Variants in WASHC4 observed in about 807,000 individuals in gnomAD.
The protein encoded by WASHC4 is WASH complex subunit 4.
A neutral mutation model predicts 166.6 loss-of-function variants in WASHC4; 86 were observed. The observed-to-expected ratio is 0.52, with a 90% CI of 0.43 to 0.62. The LOEUF (loss-of-function observed/expected upper bound fraction) is 0.62, where lower values mean the gene tolerates loss of function less well. Among genes scored for constraint, WASHC4 ranks in the 20% least tolerant of loss-of-function variants. The pLI is 0.00. For synonymous variants in WASHC4, 446 were observed against 451.6 expected, an observed-to-expected ratio of 0.99 and a Z score of 0.16; for missense variants, 1,262 against 1,382.4, an observed-to-expected ratio of 0.91 and a Z score of 1.38.
chr12:105,152,237 A>G (rs559909214), intron 25 of WASHC4, 106 bp from the exon 26 acceptor site: 89 of 681,664 alleles, frequency 1.3e-4, no homozygotes, highest in Non-Finnish European at 2.3e-4. Context: ...TTTAAGCACA[A>G]TGAAATACAA....
chr12:105,136,305 A>G (rs1218189690), intron 14 of WASHC4, among the ~76,000 whole-genome samples: 2 of 152,190 alleles, frequency 1.3e-5, no homozygotes, highest in East Asian at 1.9e-4. Context: ...AAGAGAAAGC[A>G]ACCCTGAATG....
chr12:105,162,624 A>T (rs919117735), intron 29 of WASHC4, 125 bp from the exon 30 acceptor site: 19 of 635,804 alleles, frequency 3.0e-5, no homozygotes, highest in Non-Finnish European at 5.1e-5. Context: ...AAAGGACAGG[A>T]ATCTAGATTC....
rs911097187 is a variant in WASHC4, at chr12:105,162,969, A to AT, written c.3157+131dup. 6 of 595,476 alleles carry AT rather than the reference A, an allele frequency of 1.0e-5. No homozygotes were observed. The Admixed American group carries it at 1.2e-4, about 12-fold the overall frequency. 36.9% of individuals were successfully genotyped at this position (595,476 alleles called of 1,614,324 possible). The stretch of plus-strand genomic sequence containing the variant: ...GATTTTTCTTTCTTTTTTCTTTTTT[A>AT]TTTTTTTGAGACAGAGTCTCGTCTC... On this transcript the variant is annotated intron_variant, in intron 30 of 32. Transcript: ENST00000332180.
intron 32 of WASHC4, among the ~76,000 whole-genome samples, chr12:105,166,501 C>T (rs1336836792): frequency 6.6e-6 from 1 of 152,074 alleles, no homozygotes; most frequent in African/African-American, 2.4e-5. Context: ...TGTAATGGTT[C>T]TTTCTTGGCC....
intron 14 of WASHC4, among the ~76,000 whole-genome samples, chr12:105,135,107 T>A (rs1484259456): frequency 6.6e-6 from 1 of 152,086 alleles, no homozygotes; most frequent in Non-Finnish European, 1.5e-5. Flanking sequence ...TATCTCCCTC[T>A]CATCTTCTGT....
intron 14 of WASHC4, among the ~76,000 whole-genome samples, chr12:105,136,363 T>C (rs1295290079): frequency 6.6e-6 from 1 of 152,152 alleles, no homozygotes; most frequent in African/African-American, 2.4e-5. Context: ...TGGCCTTATA[T>C]TTCCTTATTT....
intron 24 of WASHC4, chr12:105,149,169 A>G: frequency 1.0e-6 from 1 of 985,348 alleles, no homozygotes; most frequent in Non-Finnish European, 1.2e-6. Context: ...ATAATTGAAT[A>G]TGTGGTATCT....
chr12:105,141,533 A>ATCTT (rs1206905652), intron 18 of WASHC4, among the ~76,000 whole-genome samples: 2 of 152,236 alleles, frequency 1.3e-5, no homozygotes, highest in Admixed American at 6.5e-5. Flanking sequence ...TATGTTGGGT[A>ATCTT]TCTTTATTGG....
chr12:105,148,527 A>G (rs1883494068), intron 24 of WASHC4: 1 of 985,334 alleles, frequency 1.0e-6, no homozygotes, highest in East Asian at 1.1e-4. Context: ...GCATAGAAGG[A>G]TAGAAATCAG....
Position 105,144,834 on chromosome 12 carries a change from A to G in WASHC4, c.2296A>G (p.Met766Val). The G allele has an allele frequency of 6.2e-7, 1 of 1,613,314 alleles. No individual in the cohort carries two copies. Among genetic ancestry groups the G allele is most frequent in the Non-Finnish European group, 8.5e-7 (1 of 1,179,498 alleles). The stretch of plus-strand genomic sequence containing the variant: ...AGCTACTCAGCGTTATGGACTGGTT[A>G]TGACAGAGGCACATCTTCCCAGTCA... ...NLATQRYGLV[M>V]TEAHLPSQTL... Residue 766 changes from methionine to valine, a missense_variant, in exon 22 of 33, where the codon ATG becomes GTG. Physicochemically the swap from Met to Val is conservative, Grantham distance 21. Coordinates refer to ENST00000332180, the MANE Select transcript of WASHC4 (RefSeq NM_015275.3).
chr12:105,126,700 A>G (rs995604488), intron 12 of WASHC4, among the ~76,000 whole-genome samples: 7 of 151,948 alleles, frequency 4.6e-5, no homozygotes, highest in East Asian at 1.9e-4. Flanking sequence ...TGTCTTTGCT[A>G]TTTTCATAAT....
intron 15 of WASHC4, among the ~76,000 whole-genome samples, chr12:105,138,690 A>AT (rs1251347824): frequency 6.6e-6 from 1 of 151,898 alleles, no homozygotes; most frequent in Admixed American, 6.5e-5. Flanking sequence ...GGAAATAAAG[A>AT]TTTTTCTTTT....
intron 26 of WASHC4, chr12:105,156,385 G>A (rs1040913902): frequency 5.5e-5 from 9 of 162,640 alleles, no homozygotes; most frequent in Admixed American, 2.5e-4. Flanking sequence ...TGTATGTGGC[G>A]GAGATTGAAT....
At chr12:105,151,321 T>A (rs1163181639) in intron 25 of WASHC4, among the ~76,000 whole-genome samples, 1 of 152,150 alleles carries the variant, frequency 6.6e-6, no homozygotes, top group Non-Finnish European at 1.5e-5. Flanking sequence ...TGATTTGCCA[T>A]ATGCGGAACT....
intron 28 of WASHC4, 95 bp downstream of exon 28, chr12:105,157,417 T>G (rs909750318): frequency 8.5e-6 from 6 of 707,158 alleles, no homozygotes; most frequent in African/African-American, 1.8e-5. Context: ...GCCACTGTTT[T>G]TATTATACAA....
intron 20 of WASHC4, among the ~76,000 whole-genome samples, chr12:105,143,632 G>A (rs1164254348): frequency 6.6e-6 from 1 of 151,916 alleles, no homozygotes; most frequent in African/African-American, 2.4e-5. Context: ...ATATTTAAAA[G>A]ATTTAGTGTG....
chr12:105,155,847 A>G (rs994699640), intron 26 of WASHC4, among the ~76,000 whole-genome samples: 13 of 152,166 alleles, frequency 8.5e-5, no homozygotes, highest in African/African-American at 3.1e-4. Flanking sequence ...GTCTCAAAAA[A>G]AAGAAAAAGC....
At chr12:105,145,047 T>C (rs547026500) in intron 22 of WASHC4, among the ~76,000 whole-genome samples, 175 bp downstream of exon 22, 21 of 151,890 alleles carry the variant, frequency 1.4e-4, no homozygotes, top group African/African-American at 3.9e-4. Flanking sequence ...GCTAAATTGC[T>C]TTATAAAGGA....
At chr12:105,165,699 A>T (rs1884771244) in intron 32 of WASHC4, among the ~76,000 whole-genome samples, 1 of 152,186 alleles carries the variant, frequency 6.6e-6, no homozygotes, top group Non-Finnish European at 1.5e-5. Flanking sequence ...TGGGTAGACC[A>T]CTTACGTGAA....
Sources: gnomAD v4.1 joint callset for allele counts (sites outside exome capture counted in the v4.1 genomes callset) on GRCh38, gnomAD v4.1.1 for gene constraint, MANE v1.5 for transcripts, NCBI Gene and HGNC (gene_info 2026-07-23, HGNC 2026-07-21) for gene names.